Variants in GLI2 observed in about 807,000 individuals in gnomAD.
The protein encoded by GLI2 is transcription activator GLI2.
GLI2 carries 22 observed loss-of-function variants against 78.9 expected under a neutral mutation model. The ratio of observed to expected loss-of-function variants is 0.28; its 90% confidence interval spans 0.20 to 0.40. The LOEUF (loss-of-function observed/expected upper bound fraction) is 0.40, where lower values mean the gene tolerates loss of function less well. Among genes scored for constraint, GLI2 ranks in the 10% least tolerant of loss-of-function variants. The pLI is 1.00. For synonymous variants in GLI2, 974 were observed against 963.7 expected (o/e 1.01, Z -0.20); for missense variants, 2,097 against 2,213.2 (o/e 0.95, Z 1.05).
intron 3 of GLI2, among the ~76,000 whole-genome samples, chr2:120,937,277 G>A (rs967982970): frequency 6.6e-6 from 1 of 152,198 alleles, no homozygotes; most frequent in Admixed American, 6.5e-5. Context: ...TTTATGGGGT[G>A]CAAGTCCAAT....
At chr2:120,882,150 TA>T (rs1677184567) in intron 2 of GLI2, among the ~76,000 whole-genome samples, 1 of 152,072 alleles carries the variant, frequency 6.6e-6, no homozygotes, top group African/African-American at 2.4e-5. Context: ...TGTGGCTGCC[TA>T]CAGTGAACTT....
In GLI2 at chr2:120,955,222, CT is replaced by C. The variant is rs1280845434; in HGVS notation, c.458-20del. 9 of 1,114,734 alleles carry C rather than the reference CT, an allele frequency of 8.1e-6. No individual in the cohort carries two copies. The Admixed American group carries it at 2.0e-4, about 25-fold the overall frequency. 69.1% of individuals were successfully genotyped at this position (1,114,734 alleles called of 1,614,324 possible). A position where few individuals can be genotyped will look rare whatever the true frequency, so the allele number is the denominator to read the frequency against. ...AGCCAGTGCCAGGTTCTGACGGCTT[CT>C]TTCTCTCCCCTCTGCCCACAGTGGC... is the stretch of plus-strand genomic sequence containing the variant. On this transcript the variant is annotated intron_variant, in intron 4 of 13. Transcript: ENST00000361492.
intron 2 of GLI2, among the ~76,000 whole-genome samples, chr2:120,920,081 A>AAGCTAATT (rs1679295111): frequency 6.6e-6 from 1 of 152,226 alleles, no homozygotes; most frequent in Non-Finnish European, 1.5e-5. Context: ...ACATGCTTCC[A>AAGCTAATT]AGCTAATTCC....
At chr2:120,786,170 G>T (rs1271680648) in intron 1 of GLI2, among the ~76,000 whole-genome samples, 2 of 152,234 alleles carry the variant, frequency 1.3e-5, no homozygotes, top group African/African-American at 4.8e-5. Flanking sequence ...GCGAGTGTCA[G>T]AGCCCATCGC....
At chr2:120,771,321 G>C (rs12464053) in intron 1 of GLI2, among the ~76,000 whole-genome samples, 20,968 of 152,268 alleles carry the variant, frequency 0.14, 1,763 homozygotes, top group East Asian at 0.23. Context: ...GAGCTATGCT[G>C]TGCGATTGGG....
At chr2:120,967,229 G>T (rs1003954161) in intron 5 of GLI2, among the ~76,000 whole-genome samples, 4 of 152,244 alleles carry the variant, frequency 2.6e-5, no homozygotes, top group African/African-American at 4.8e-5. Context: ...CTCCATGCAG[G>T]TGTCCAGAAA....
At chr2:120,939,411 C>A (rs1271922342) in intron 3 of GLI2, among the ~76,000 whole-genome samples, 1 of 152,236 alleles carries the variant, frequency 6.6e-6, no homozygotes, top group Non-Finnish European at 1.5e-5. Context: ...GCTCCCCAAT[C>A]TCCTGCCTCA....
chr2:120,929,560 T>A (rs550735968), intron 3 of GLI2, among the ~76,000 whole-genome samples: 7 of 152,356 alleles, frequency 4.6e-5, no homozygotes, highest in Non-Finnish European at 1.0e-4. Flanking sequence ...TCTATTGTTA[T>A]GCACATGGAT....
In GLI2 at chr2:120,989,630, C is replaced by T. The variant is rs372563328; in HGVS notation, c.3665C>T (p.Thr1222Ile). Reference protein sequence around the residue: ...VAGSQCPGMTTTMSPHACYGQ... With the variant: ...VAGSQCPGMTITMSPHACYGQ... ...GGCAGCCAGTGTCCTGGCATGACTA[C>T]CACTATGAGCCCCCATGCCTGCTAT... The change falls in exon 14 of 14, where the codon ACC becomes ATC. Residue 1222 changes from threonine (T) to isoleucine (I), a missense_variant. Physicochemically the swap from Thr to Ile is moderately conservative, Grantham distance 89 (BLOSUM62 -1). Around this residue, in one of 5 missense-constraint regions of GLI2, gnomAD observed 1,290 missense variants for 1,261.7 expected, o/e 1.02. Coordinates refer to ENST00000361492, the MANE Select transcript of GLI2 (RefSeq NM_001374353.1). 4.3e-6 allele frequency: 7 copies of T among 1,613,202 alleles called. No individual in the cohort carries two copies. The African/African-American group carries it at 9.3e-5, about 22-fold the overall frequency.
chr2:120,815,055 CT>C (rs1285802632), intron 2 of GLI2, among the ~76,000 whole-genome samples: 4 of 152,114 alleles, frequency 2.6e-5, no homozygotes, highest in Admixed American at 6.6e-5. Context: ...CCAGCTAAGC[CT>C]TTTAGAATGG....
rs1686502150 is a variant in GLI2 at position 120,834,278 on chromosome 2, G to T, written c.148+36810G>T. ...AGGGTCAGTCAGTGAGGCATCCAGG[G>T]GAGAGCATGGGAAGGAGGCTTCATT... is the stretch of plus-strand genomic sequence containing the variant. On this transcript the variant is annotated intron_variant, in intron 2 of 13. Coordinates refer to ENST00000361492, the MANE Select transcript of GLI2 (RefSeq NM_001374353.1). 2.6e-5 allele frequency among the ~76,000 whole-genome samples: 4 copies of T among 152,202 alleles called. No homozygotes were observed. In the South Asian group the frequency reaches 8.3e-4, roughly 31 times the overall value.
intron 2 of GLI2, among the ~76,000 whole-genome samples, chr2:120,860,914 C>T (rs188821386): frequency 6.6e-6 from 1 of 152,198 alleles, no homozygotes; most frequent in Non-Finnish European, 1.5e-5. Context: ...TGTACCTGGC[C>T]CAAGGATTGT....
chr2:120,963,637 C>G (rs1423537891), intron 5 of GLI2, among the ~76,000 whole-genome samples: 1 of 151,972 alleles, frequency 6.6e-6, no homozygotes, highest in South Asian at 2.1e-4. Context: ...CCACCTGGGG[C>G]CCCCCTCCCA....
At chr2:120,886,722 G>A (rs1677431428) in intron 2 of GLI2, among the ~76,000 whole-genome samples, 1 of 152,356 alleles carries the variant, frequency 6.6e-6, no homozygotes, top group South Asian at 2.1e-4. Context: ...AAGGGGCCTG[G>A]AGTGGGACTG....
At chr2:120,805,179 G>T (rs192860633) in intron 2 of GLI2, among the ~76,000 whole-genome samples, 2 of 152,204 alleles carry the variant, frequency 1.3e-5, no homozygotes. Context: ...CAGCCTGGCC[G>T]CCCCATTTCC....
At chr2:120,954,941 G>A (rs1381265641) in intron 4 of GLI2, among the ~76,000 whole-genome samples, 2 of 152,070 alleles carry the variant, frequency 1.3e-5, no homozygotes, top group Non-Finnish European at 2.9e-5. Flanking sequence ...ATGGGGCTCC[G>A]GGATTCTGAG....
In GLI2 at chr2:120,856,979, G is replaced by T. The variant is rs528721191; in HGVS notation, c.148+59511G>T. Among the ~76,000 whole-genome samples, 180 of 152,278 alleles carry T rather than the reference G, an allele frequency of 1.2e-3. 3 individuals are homozygous for T. Among genetic ancestry groups the T allele is most frequent in the Non-Finnish European group, 1.1e-3 (73 of 68,020 alleles). ...GCCTGGGCAGGCAGAAATAATAAAGGTGTGGGCCGGGGCTTATGGAAGATG... is the reference window on the plus strand; with the variant it reads ...GCCTGGGCAGGCAGAAATAATAAAGTTGTGGGCCGGGGCTTATGGAAGATG... On this transcript the variant is annotated intron_variant, in intron 2 of 13. Coordinates refer to ENST00000361492, the MANE Select transcript of GLI2 (RefSeq NM_001374353.1).
At chr2:120,853,249 G>A (rs1206286183) in intron 2 of GLI2, among the ~76,000 whole-genome samples, 2 of 152,206 alleles carry the variant, frequency 1.3e-5, no homozygotes, top group Non-Finnish European at 2.9e-5. Context: ...CCAGGACGAG[G>A]AGGTTGGCAC....
At position 120,951,458 on chromosome 2, in the gene GLI2, TG is replaced by T; in HGVS notation, c.457+17del. Reference sequence around the variant, plus strand: ...AGCCCCGCTGATGGTGAGTAGGGTGTGGGGATGGGGAGGGGCAGCTAGGGCA... The same window carrying T: ...AGCCCCGCTGATGGTGAGTAGGGTGTGGGATGGGGAGGGGCAGCTAGGGCA... On this transcript the variant is annotated intron_variant, in intron 4 of 13. Coordinates refer to ENST00000361492, the MANE Select transcript of GLI2 (RefSeq NM_001374353.1). 6.3e-7 allele frequency: 1 copy of T among 1,577,734 alleles called. No individual in the cohort carries two copies. Among genetic ancestry groups the T allele is most frequent in the Non-Finnish European group, 8.7e-7 (1 of 1,150,542 alleles).
Sources: allele counts gnomAD v4.1 joint callset (sites outside exome capture counted in the v4.1 genomes callset), GRCh38; gene constraint gnomAD v4.1.1; regional missense constraint gnomAD v4.1.1; transcripts MANE v1.5; gene names NCBI Gene and HGNC (gene_info 2026-07-23, HGNC 2026-07-21).